The following VEPH1 variants were observed in gnomAD, a reference collection of about 807,000 sequenced individuals.
VEPH1 encodes ventricular zone expressed PH domain containing 1.
Under a neutral mutation model 85.2 loss-of-function variants are expected in VEPH1, and 80 were observed. That is an observed-to-expected ratio of 0.94 (90% CI 0.78 to 1.13). The LOEUF is 1.13. VEPH1 is among the 50% of genes most tolerant of loss of function. The pLI, the probability that VEPH1 is intolerant of heterozygous loss-of-function variation, is 0.00. For synonymous variants in VEPH1, 297 were observed against 348.0 expected (o/e 0.85, Z 1.63); for missense variants, 955 against 980.5 (o/e 0.97, Z 0.35).
chr3:157,305,957 A>G (rs1300949660), intron 11 of VEPH1, among the ~76,000 whole-genome samples: 1 of 152,184 alleles, frequency 6.6e-6, no homozygotes, highest in Admixed American at 6.5e-5. Flanking sequence ...CTTGTTACAA[A>G]TATTTTCATT....
chr3:157,323,428 GT>G (rs1230679968), intron 9 of VEPH1, among the ~76,000 whole-genome samples: 2 of 152,188 alleles, frequency 1.3e-5, no homozygotes, highest in Non-Finnish European at 2.9e-5. Flanking sequence ...TCTCTCATTT[GT>G]TGAGAATCTA....
At chr3:157,437,647 C>T in intron 4 of VEPH1, 2 of 1,547,846 alleles carry the variant, frequency 1.3e-6, no homozygotes, top group Non-Finnish European at 1.7e-6. Context: ...GCAGAGGCTG[C>T]GGGAGGAGCT....
At chr3:157,375,523 T>C (rs985686761) in intron 7 of VEPH1, among the ~76,000 whole-genome samples, 1 of 152,192 alleles carries the variant, frequency 6.6e-6, no homozygotes, top group East Asian at 1.9e-4. Flanking sequence ...ACATCAAATA[T>C]GTCTCTTTGC....
At chr3:157,282,436 T>C (rs1194278696) in intron 12 of VEPH1, among the ~76,000 whole-genome samples, 2 of 152,234 alleles carry the variant, frequency 1.3e-5, no homozygotes, top group African/African-American at 2.4e-5. Context: ...TGATAGAAAG[T>C]TGTTTGAAAA....
At chr3:157,304,742 TA>T (rs1028907353) in intron 11 of VEPH1, among the ~76,000 whole-genome samples, 1 of 152,158 alleles carries the variant, frequency 6.6e-6, no homozygotes, top group Non-Finnish European at 1.5e-5. Flanking sequence ...CTTAAAGTAA[TA>T]TTTTTTCCTT....
In VEPH1 at chr3:157,352,253, A is replaced by C. The variant is rs75768838; in HGVS notation, c.1735+11111T>G. Among the ~76,000 whole-genome samples the C allele has an allele frequency of 2.4e-3, 359 of 152,314 alleles. 1 individual carries two copies. Among genetic ancestry groups the C allele is most frequent in the African/African-American group, 7.6e-3 (315 of 41,576 alleles). The stretch of plus-strand genomic sequence containing the variant: ...GCAATTGTGAATATTTCCAGGGATA[A>C]GTTTCTGAAAAATAACTCAACTACT... On this transcript the variant is annotated intron_variant, in intron 9 of 13. Transcript: ENST00000362010.
intron 4 of VEPH1, chr3:157,442,742 TGAGG>T: frequency 6.2e-7 from 1 of 1,614,226 alleles, no homozygotes; most frequent in Non-Finnish European, 8.5e-7. Context: ...ACATTGTTCC[TGAGG>T]GAGGAATCCT....
chr3:157,273,027 G>C (rs78354995), intron 12 of VEPH1, among the ~76,000 whole-genome samples: 1 of 152,164 alleles, frequency 6.6e-6, no homozygotes, highest in Non-Finnish European at 1.5e-5. Flanking sequence ...AGGAGTTAGA[G>C]GGGGAAAACC....
At chr3:157,395,673 A>G (rs1370062843) in intron 6 of VEPH1, among the ~76,000 whole-genome samples, 1 of 152,006 alleles carries the variant, frequency 6.6e-6, no homozygotes, top group Non-Finnish European at 1.5e-5. Context: ...CCATCCACAT[A>G]TCTCTTCCCA....
At position 157,269,370 on chromosome 3, in the gene VEPH1, G is replaced by A. The variant is rs560022813; in HGVS notation, c.2129-3708C>T. On this transcript the variant is annotated intron_variant, in intron 12 of 13. Coordinates refer to ENST00000362010, the MANE Select transcript of VEPH1 (RefSeq NM_001167912.2). Reference sequence around the variant, plus strand: ...CTTCAGAGACAAGCTGGGAAGCAAAGACTTTTCACCGTAGCCCAGTGAAAA... The same window carrying A: ...CTTCAGAGACAAGCTGGGAAGCAAAAACTTTTCACCGTAGCCCAGTGAAAA... Among the ~76,000 whole-genome samples the A allele has an allele frequency of 1.6e-3, 250 of 152,194 alleles. 5 individuals are homozygous for A. The highest frequency in any genetic ancestry group is 0.016 in the Admixed American group (250 of 15,288).
At chr3:157,450,918 C>T (rs1734920900) in intron 4 of VEPH1, among the ~76,000 whole-genome samples, 1 of 152,128 alleles carries the variant, frequency 6.6e-6, no homozygotes, top group Non-Finnish European at 1.5e-5. Flanking sequence ...ATAGTAAGCA[C>T]TCAGCAAATG....
intron 4 of VEPH1, among the ~76,000 whole-genome samples, chr3:157,454,872 T>C (rs1735242690): frequency 6.6e-6 from 1 of 152,178 alleles, no homozygotes; most frequent in African/African-American, 2.4e-5. Context: ...ATTAATTCGC[T>C]TAGGATAATG....
chr3:157,337,242 T>C (rs1723055358), intron 9 of VEPH1, among the ~76,000 whole-genome samples: 1 of 152,040 alleles, frequency 6.6e-6, no homozygotes, highest in Non-Finnish European at 1.5e-5. Flanking sequence ...TAAATGTTAC[T>C]TATAAAGAGA....
chr3:157,487,370 T>C (rs1342244198), intron 2 of VEPH1, among the ~76,000 whole-genome samples: 1 of 152,116 alleles, frequency 6.6e-6, no homozygotes, highest in Non-Finnish European at 1.5e-5. Context: ...GAAAATATAC[T>C]TTACCAAAAG....
chr3:157,397,894 T>C (rs1414339412), intron 6 of VEPH1, among the ~76,000 whole-genome samples: 1 of 152,204 alleles, frequency 6.6e-6, no homozygotes, highest in African/African-American at 2.4e-5. Context: ...TGGGAAGATT[T>C]TCCTTTACCA....
intron 4 of VEPH1, chr3:157,442,828 G>A: frequency 6.2e-7 from 1 of 1,614,226 alleles, no homozygotes; most frequent in Non-Finnish European, 8.5e-7. Context: ...TTCTCTGGGA[G>A]ACTCACAGGC....
chr3:157,341,353 A>G (rs997556671), intron 9 of VEPH1, among the ~76,000 whole-genome samples: 3 of 152,254 alleles, frequency 2.0e-5, no homozygotes, highest in Non-Finnish European at 4.4e-5. Context: ...GCTGAAAACC[A>G]TGGCATGAGA....
At chr3:157,383,928 G>A (rs1225277372) in intron 6 of VEPH1, among the ~76,000 whole-genome samples, 1 of 151,912 alleles carries the variant, frequency 6.6e-6, no homozygotes, top group African/African-American at 2.4e-5. Flanking sequence ...TTAATTCAAA[G>A]TCTCCATGTG....
chr3:157,351,324 T>C (rs1724844444), intron 9 of VEPH1, among the ~76,000 whole-genome samples: 1 of 152,144 alleles, frequency 6.6e-6, no homozygotes, highest in African/African-American at 2.4e-5. Context: ...CGCACACCTG[T>C]AGTCCCAGCT....
Sources: allele counts gnomAD v4.1 joint callset (sites outside exome capture counted in the v4.1 genomes callset), GRCh38; gene constraint gnomAD v4.1.1; transcripts MANE v1.5; gene names NCBI Gene and HGNC (gene_info 2026-07-23, HGNC 2026-07-21).